The following OPCML variants were observed in gnomAD, a reference collection of about 807,000 sequenced individuals.
The protein encoded by OPCML is opioid-binding protein/cell adhesion molecule.
In OPCML, 13 loss-of-function variants were observed where a neutral mutation model predicts 37.8. That is an observed-to-expected ratio of 0.34 (90% CI 0.22 to 0.55). The LOEUF is 0.55. Among genes scored for constraint, OPCML ranks in the 20% least tolerant of loss-of-function variants. The pLI is 0.91. For synonymous variants in OPCML, 176 were observed against 168.8 expected (o/e 1.04, Z -0.33); for missense variants, 341 against 435.6 (o/e 0.78, Z 1.93).
At chr11:132,459,927 CA>C (rs1162796319) in intron 4 of OPCML, among the ~76,000 whole-genome samples, 3 of 152,118 alleles carry the variant, frequency 2.0e-5, no homozygotes, top group Middle Eastern at 6.3e-3. Flanking sequence ...GACAGGCCCA[CA>C]TTATTCATTT....
At chr11:132,516,816 A>G (rs1479240639) in intron 4 of OPCML, among the ~76,000 whole-genome samples, 1 of 152,160 alleles carries the variant, frequency 6.6e-6, no homozygotes, top group Non-Finnish European at 1.5e-5. Flanking sequence ...TCAGTCGGTG[A>G]TGACCCCCTG....
intron 2 of OPCML, among the ~76,000 whole-genome samples, chr11:132,874,212 T>C (rs904548314): frequency 2.6e-5 from 4 of 152,218 alleles, no homozygotes; most frequent in African/African-American, 9.6e-5. Context: ...GCTATTATTA[T>C]TATCATCTTT....
intron 1 of OPCML, among the ~76,000 whole-genome samples, chr11:133,257,624 A>G (rs1443292469): frequency 6.6e-6 from 1 of 152,164 alleles, no homozygotes; most frequent in East Asian, 1.9e-4. Context: ...CTGAGATTAG[A>G]ACTCAGGTGT....
chr11:132,571,010 G>A (rs1039433034), intron 3 of OPCML, among the ~76,000 whole-genome samples: 2 of 151,702 alleles, frequency 1.3e-5, no homozygotes, highest in Admixed American at 6.6e-5. Flanking sequence ...GGGAGAGGAA[G>A]ACACATCTTC....
In OPCML at chr11:133,130,534, T is replaced by C. The variant is rs777432813; in HGVS notation, c.62-187524A>G. On this transcript the variant is annotated intron_variant, in intron 1 of 7. Coordinates refer to ENST00000524381, the MANE Select transcript of OPCML (RefSeq NM_001012393.5). ...AATCAAAGACCTAAATAAATTGATATTTCGTGTTCATAGATAGAAAGACAA... is the reference window on the plus strand; with the variant it reads ...AATCAAAGACCTAAATAAATTGATACTTCGTGTTCATAGATAGAAAGACAA... 1.3e-4 allele frequency among the ~76,000 whole-genome samples: 20 copies of C among 152,144 alleles called. 1 individual carries two copies. Among genetic ancestry groups the C allele is most frequent in the Non-Finnish European group, 2.4e-4 (16 of 68,000 alleles).
At chr11:132,747,174 G>A (rs953135166) in intron 2 of OPCML, among the ~76,000 whole-genome samples, 7 of 152,122 alleles carry the variant, frequency 4.6e-5, no homozygotes, top group African/African-American at 1.7e-4. Flanking sequence ...TTATTTTTAA[G>A]GACTATTAGC....
intron 2 of OPCML, among the ~76,000 whole-genome samples, chr11:132,768,335 T>G (rs181559145): frequency 9.6e-4 from 146 of 152,334 alleles, no homozygotes; most frequent in Non-Finnish European, 1.9e-3. Context: ...TCCGTCGATC[T>G]CTACATGACA....
At chr11:132,835,254 A>G (rs1409115848) in intron 2 of OPCML, among the ~76,000 whole-genome samples, 1 of 152,224 alleles carries the variant, frequency 6.6e-6, no homozygotes, top group African/African-American at 2.4e-5. Flanking sequence ...TCCACTCAGG[A>G]GAGCAGACTG....
At chr11:132,495,037 G>A (rs755608534) in intron 4 of OPCML, among the ~76,000 whole-genome samples, 1 of 149,946 alleles carries the variant, frequency 6.7e-6, no homozygotes, top group Non-Finnish European at 1.5e-5. Flanking sequence ...TTTTCCTGGA[G>A]TGCTTTTCTC....
chr11:133,444,617 A>C (rs926705390), intron 1 of OPCML, among the ~76,000 whole-genome samples: 4 of 152,228 alleles, frequency 2.6e-5, no homozygotes, highest in Non-Finnish European at 5.9e-5. Context: ...GTCATATAAA[A>C]GTTGATATTT....
At chr11:133,207,751 G>A (rs561242046) in intron 1 of OPCML, among the ~76,000 whole-genome samples, 6 of 152,276 alleles carry the variant, frequency 3.9e-5, no homozygotes, top group African/African-American at 1.4e-4. Flanking sequence ...AAGGCAGATT[G>A]TCAAATGCTA....
intron 2 of OPCML, among the ~76,000 whole-genome samples, chr11:132,739,865 T>G (rs993603016): frequency 2.0e-5 from 3 of 152,148 alleles, no homozygotes; most frequent in African/African-American, 7.2e-5. Context: ...ACCCCATCAG[T>G]GTTTTGGTAC....
At chr11:132,555,074 A>G (rs891110753) in intron 3 of OPCML, among the ~76,000 whole-genome samples, 7 of 152,014 alleles carry the variant, frequency 4.6e-5, no homozygotes, top group Non-Finnish European at 1.0e-4. Context: ...GAAGACCAGC[A>G]TGATTCCCTC....
chr11:133,327,893 C>T (rs986850009), intron 1 of OPCML, among the ~76,000 whole-genome samples: 7 of 152,106 alleles, frequency 4.6e-5, no homozygotes, highest in Admixed American at 3.9e-4. Context: ...ACAAGGTGCT[C>T]GCACTGTAAA....
In OPCML at chr11:132,436,798, C is replaced by G; in HGVS notation, c.644-19G>C. The G allele has an allele frequency of 6.2e-7, 1 of 1,613,028 alleles. No individual in the cohort carries two copies. On this transcript the variant is annotated intron_variant, in intron 5 of 7. Coordinates refer to ENST00000524381, the MANE Select transcript of OPCML (RefSeq NM_001012393.5). ...GGAGGATCTGTGGGAAACACACACA[C>G]ACACATGCACAGGCATGCACGCACG...
At chr11:132,762,842 T>C (rs1231598627) in intron 2 of OPCML, among the ~76,000 whole-genome samples, 1 of 152,108 alleles carries the variant, frequency 6.6e-6, no homozygotes, top group Non-Finnish European at 1.5e-5. Flanking sequence ...TCACTGGTGT[T>C]CCACGTGCCA....
rs545811451 is a variant in OPCML at position 132,572,982 on chromosome 11, T to C, written c.380-43796A>G. The stretch of plus-strand genomic sequence containing the variant: ...TTTTCACCTCTATAGTTAAGTTTAT[T>C]CCCAAGTATTTCAATTTTTTGATGT... On this transcript the variant is annotated intron_variant, in intron 3 of 7. Transcript: ENST00000524381. Among the ~76,000 whole-genome samples the C allele has an allele frequency of 9.9e-5, 15 of 152,088 alleles. No individual in the cohort carries two copies. The South Asian group carries it at 2.3e-3, about 23-fold the overall frequency.
At chr11:132,827,198 A>G (rs2136267781) in intron 2 of OPCML, among the ~76,000 whole-genome samples, 1 of 152,352 alleles carries the variant, frequency 6.6e-6, no homozygotes, top group Admixed American at 6.5e-5. Flanking sequence ...AACAGATACA[A>G]AAACTACTCT....
At chr11:133,301,377 T>G (rs1418114866) in intron 1 of OPCML, 1 of 152,220 alleles carries the variant, frequency 6.6e-6, no homozygotes. Context: ...ATTACTTTGG[T>G]GGCTGAAGTA....
Sources: gnomAD v4.1 joint callset for allele counts (sites outside exome capture counted in the v4.1 genomes callset) on GRCh38, gnomAD v4.1.1 for gene constraint, MANE v1.5 for transcripts, NCBI Gene and HGNC (gene_info 2026-07-23, HGNC 2026-07-21) for gene names.